The following NFILZ variants were observed in gnomAD, a reference collection of about 807,000 sequenced individuals.
NFILZ encodes the protein NFIL3 like basic leucine zipper, also known as NFIL3 like protein.
At position 8,633,318 on chromosome 19, in the gene NFILZ, G is replaced by A. The variant is rs73503636; in HGVS notation, c.-261+693G>A. On this transcript the variant is annotated intron_variant, in intron 2 of 5. Transcript: ENST00000691075. Reference sequence around the variant, plus strand: ...ATTATAGGTGGAAGCCAACGCGCCCGGCCTCCTTTACTTCCTTAATAAGCT... The same window carrying A: ...ATTATAGGTGGAAGCCAACGCGCCCAGCCTCCTTTACTTCCTTAATAAGCT... Among the ~76,000 whole-genome samples the A allele has an allele frequency of 6.2e-3, 938 of 152,166 alleles. 15 individuals carry two copies. Among genetic ancestry groups the A allele is most frequent in the African/African-American group, 0.021 (869 of 41,518 alleles).
intron 3 of NFILZ, among the ~76,000 whole-genome samples, chr19:8,661,560 T>C (rs2043032063): frequency 6.6e-6 from 1 of 152,086 alleles, no homozygotes; most frequent in South Asian, 2.1e-4. Context: ...AAGCCTCACA[T>C]CATACTCCAC....
In NFILZ at chr19:8,678,484, G is replaced by T. The variant is rs1338366834; in HGVS notation, c.*849G>T. Among the ~76,000 whole-genome samples the T allele has an allele frequency of 7.0e-6, 1 of 142,822 alleles. No homozygotes were observed. Among genetic ancestry groups the T allele is most frequent in the Admixed American group, 7.1e-5 (1 of 14,134 alleles). 93.7% of individuals were successfully genotyped at this position (142,822 alleles called of 152,430 possible). On this transcript the variant is annotated 3_prime_UTR_variant, in exon 6 of 6. Coordinates refer to ENST00000691075, the MANE Select transcript of NFILZ (RefSeq NM_001378600.1). ...TCCATCCATCCACCCATTCTTTCTTGCTTCTATCCATTTTCCCATCCACAC... is the reference window on the plus strand; with the variant it reads ...TCCATCCATCCACCCATTCTTTCTTTCTTCTATCCATTTTCCCATCCACAC...
In NFILZ at chr19:8,663,754, G is replaced by GTA. The variant is rs59267066; in HGVS notation, c.-163-10796_-163-10795insAT. 6.5e-4 allele frequency among the ~76,000 whole-genome samples: 77 copies of GTA among 117,560 alleles called. No homozygotes were observed. In the East Asian group the frequency reaches 7.4e-3, roughly 11 times the overall value. 77.1% of individuals were successfully genotyped at this position (117,560 alleles called of 152,430 possible). ...TGTGTGTGTGTGTGTGTGTGTGTGT[G>GTA]TGTGTGTGTGTGTGTGTATGTATGT... On this transcript the variant is annotated intron_variant, in intron 3 of 5. Transcript: ENST00000691075.
chr19:8,647,925 C>A (rs568692695), intron 3 of NFILZ, among the ~76,000 whole-genome samples: 32 of 151,672 alleles, frequency 2.1e-4, no homozygotes, highest in Non-Finnish European at 4.4e-4. Context: ...GTAATCCCAG[C>A]ACTTTGGGAG....
chr19:8,658,685 ATTCATTC>A (rs2043016096), intron 3 of NFILZ, among the ~76,000 whole-genome samples: 3 of 151,958 alleles, frequency 2.0e-5, no homozygotes, highest in African/African-American at 7.2e-5. Context: ...TCATTCATTC[ATTCATTC>A]ATTCAACAAG....
chr19:8,635,119 G>A (rs1429222665), intron 2 of NFILZ, among the ~76,000 whole-genome samples: 1 of 151,768 alleles, frequency 6.6e-6, no homozygotes, highest in African/African-American at 2.4e-5. Flanking sequence ...AGACCAGCCT[G>A]GCCAACATAG....
At chr19:8,631,834 G>A (rs782104331) in intron 1 of NFILZ, among the ~76,000 whole-genome samples, 2,893 of 143,700 alleles carry the variant, frequency 0.02, 58 homozygotes, top group East Asian at 0.091. Flanking sequence ...TCGCTTTTGT[G>A]TGTGTGTGTG....
chr19:8,659,893 G>A (rs1305631981), intron 3 of NFILZ, among the ~76,000 whole-genome samples: 9 of 152,040 alleles, frequency 5.9e-5, no homozygotes, highest in Non-Finnish European at 1.0e-4. Flanking sequence ...GGGGAAGGAC[G>A]GCCACCTCTA....
intron 3 of NFILZ, among the ~76,000 whole-genome samples, chr19:8,663,738 G>GTGTGTATGTGTGTGTATGTGTGTGTA (rs2043045836): frequency 1.7e-4 from 4 of 23,924 alleles, no homozygotes; most frequent in African/African-American, 1.0e-3. Context: ...GTGTGTGTGT[G>GTGTGTATGTGTGTGTATGTGTGTGTA]TGTGTGTGTG....
chr19:8,669,769 T>A (rs1414666261), intron 3 of NFILZ, among the ~76,000 whole-genome samples: 1 of 152,212 alleles, frequency 6.6e-6, no homozygotes, highest in Non-Finnish European at 1.5e-5. Context: ...TTTGCTTTCC[T>A]GATCTGTCAA....
At chr19:8,647,125 A>G (rs1555747138) in intron 3 of NFILZ, among the ~76,000 whole-genome samples, 1 of 152,222 alleles carries the variant, frequency 6.6e-6, no homozygotes, top group Non-Finnish European at 1.5e-5. Context: ...GAACTCAGTT[A>G]TGCAGGCAGC....
chr19:8,680,674 A>G lies in NFILZ; in HGVS notation c.*3039A>G, dbSNP rs2146180481. On this transcript the variant is annotated 3_prime_UTR_variant, in exon 6 of 6. Transcript: ENST00000691075. ...TCAATGATGATACGTGTCATGGAGA[A>G]AAAAGGGAGGCTTGGGAAAGGTAGG... Among the ~76,000 whole-genome samples the G allele has an allele frequency of 6.6e-6, 1 of 152,352 alleles. No homozygotes were observed. Among genetic ancestry groups the G allele is most frequent in the South Asian group, 2.1e-4 (1 of 4,824 alleles).
chr19:8,647,312 C>T (rs569721278), intron 3 of NFILZ, among the ~76,000 whole-genome samples: 6 of 152,324 alleles, frequency 3.9e-5, no homozygotes, highest in African/African-American at 1.4e-4. Flanking sequence ...TGGCTCATGC[C>T]TGTAATCCCA....
At chr19:8,659,144 G>T (rs1023347241) in intron 3 of NFILZ, among the ~76,000 whole-genome samples, 7 of 151,772 alleles carry the variant, frequency 4.6e-5, no homozygotes, top group African/African-American at 1.5e-4. Flanking sequence ...CTACTCGGGA[G>T]GCTGAGGCAG....
At chr19:8,649,296 C>T (rs1326594567) in intron 3 of NFILZ, among the ~76,000 whole-genome samples, 3 of 135,960 alleles carry the variant, frequency 2.2e-5, no homozygotes, top group Non-Finnish European at 4.8e-5. Context: ...GACAAAGTCT[C>T]GCTCTGTTGC....
intron 3 of NFILZ, among the ~76,000 whole-genome samples, chr19:8,648,852 T>TAA (rs71179876): frequency 0.12 from 16,840 of 139,044 alleles, 996 homozygotes; most frequent in Middle Eastern, 0.22. Context: ...AGACTCTGCT[T>TAA]AAAAAAAAAA....
At chr19:8,632,117 C>T (rs1219462921) in intron 1 of NFILZ, among the ~76,000 whole-genome samples, 3 of 152,024 alleles carry the variant, frequency 2.0e-5, no homozygotes, top group African/African-American at 7.2e-5. Flanking sequence ...GATCCACCTG[C>T]CTTGGCCTCC....
In NFILZ at chr19:8,679,539, G is replaced by A. The variant is rs1341445178; in HGVS notation, c.*1904G>A. ...CCACAAATGTGTGCAGGGTGAGGAC[G>A]TACAAAGTGCCTCTCTCTCACTAGT... On this transcript the variant is annotated 3_prime_UTR_variant, in exon 6 of 6. Transcript: ENST00000691075. 2.6e-5 allele frequency among the ~76,000 whole-genome samples: 4 copies of A among 152,052 alleles called. No individual in the cohort carries two copies. Among genetic ancestry groups the A allele is most frequent in the African/African-American group, 9.7e-5 (4 of 41,396 alleles).
chr19:8,637,724 T>C (rs138737657), intron 3 of NFILZ, among the ~76,000 whole-genome samples: 4,839 of 150,702 alleles, frequency 0.032, 171 homozygotes, highest in East Asian at 0.18. Context: ...CTGACCAACA[T>C]AGTGAAACTC....
Sources: gnomAD v4.1 joint callset for allele counts (sites outside exome capture counted in the v4.1 genomes callset) on GRCh38, gnomAD v4.1.1 for gene constraint, MANE v1.5 for transcripts, NCBI Gene and HGNC (gene_info 2026-07-23, HGNC 2026-07-21) for gene names.